The following NFKBIE variants were observed in gnomAD, a reference collection of about 807,000 sequenced individuals.
NFKBIE encodes the protein NFKB inhibitor epsilon, also known as NF-kappa-B inhibitor epsilon.
NFKBIE carries 11 observed loss-of-function variants against 31.6 expected under a neutral mutation model. That is an observed-to-expected ratio of 0.35 (90% CI 0.22 to 0.58). The LOEUF is 0.58. NFKBIE is among the 20% of genes least tolerant of loss of function. The pLI, the probability that NFKBIE is intolerant of heterozygous loss-of-function variation, is 0.83. For synonymous variants in NFKBIE, 208 were observed against 210.1 expected (o/e 0.99, Z 0.09); for missense variants, 354 against 465.7 (o/e 0.76, Z 2.21).
At chr6:44,262,703 C>G in intron 1 of NFKBIE, 41 bp from the exon 2 acceptor site, 1 of 1,532,330 alleles carries the variant, frequency 6.5e-7, no homozygotes, top group Non-Finnish European at 9.0e-7. Flanking sequence ...AGGGCCCAGG[C>G]CAGAGGGAGT....
chr6:44,264,913 C>A lies in NFKBIE; in HGVS notation c.365+69G>T, dbSNP rs1434666331. The stretch of plus-strand genomic sequence containing the variant: ...GGATCTTCACGGGGGAGTGGGGGTG[C>A]CCGACCTGTTGCGGCTCTTGGGCAG... On this transcript the variant is annotated intron_variant, in intron 1 of 5. Transcript: ENST00000619360. The A allele has an allele frequency of 2.0e-6, 3 of 1,504,782 alleles. No individual in the cohort carries two copies. In the East Asian group the frequency reaches 7.4e-5, roughly 37 times the overall value. The allele number at this position is 1,504,782 out of a possible 1,614,324, so 93.2% of individuals were successfully genotyped here.
Position 44,263,147 on chromosome 6 carries a change from T to A in NFKBIE, c.366-485A>T, listed in dbSNP as rs976568020. On this transcript the variant is annotated intron_variant, in intron 1 of 5. Transcript: ENST00000619360. The surrounding 1 kb of genome is among the most constrained non-coding windows in gnomAD (Gnocchi z 5.0). ...CATTCCAAGGGAGAGACACAGAAACTCTTGGAAGAGGAGCAAGGAGACAGT... is the reference window on the plus strand; with the variant it reads ...CATTCCAAGGGAGAGACACAGAAACACTTGGAAGAGGAGCAAGGAGACAGT... 1.3e-5 allele frequency among the ~76,000 whole-genome samples: 2 copies of A among 152,148 alleles called. No homozygotes were observed. The highest frequency in any genetic ancestry group is 6.5e-5 in the Admixed American group (1 of 15,282).
At position 44,260,024 on chromosome 6, in the gene NFKBIE, C is replaced by A. The variant is rs1781838843; in HGVS notation, c.1020+19G>T. ...TATGGGTGTGCAAGGCCCTGGAGAG[C>A]AAAGCATATGCCACTTACTTCCTCA... On this transcript the variant is annotated intron_variant, in intron 5 of 5. Coordinates refer to ENST00000619360, the MANE Select transcript of NFKBIE (RefSeq NM_004556.3). The surrounding 1 kb of genome is among the most constrained non-coding windows in gnomAD (Gnocchi z 5.5). The A allele has an allele frequency of 1.2e-6, 2 of 1,609,578 alleles. No individual in the cohort carries two copies. The highest frequency in any genetic ancestry group is 2.2e-5 in the South Asian group (2 of 90,876).
chr6:44,265,419 G>A lies in NFKBIE; in HGVS notation c.-73C>T. ...CCAGGCTCCGCCGCGCCGCCTTTCCGGGTTGCGGGTCCGCTTGGCAGAGCG... is the reference window on the plus strand; with the variant it reads ...CCAGGCTCCGCCGCGCCGCCTTTCCAGGTTGCGGGTCCGCTTGGCAGAGCG... On this transcript the variant is annotated 5_prime_UTR_variant, in exon 1 of 6. Coordinates refer to ENST00000619360, the MANE Select transcript of NFKBIE (RefSeq NM_004556.3). The A allele has an allele frequency of 1.9e-6, 3 of 1,542,414 alleles. No homozygotes were observed. The highest frequency in any genetic ancestry group is 1.2e-5 in the South Asian group (1 of 84,046).
chr6:44,260,546 T>C lies in NFKBIE; in HGVS notation c.692-7A>G. 6.2e-7 allele frequency: 1 copy of C among 1,613,972 alleles called. No individual in the cohort carries two copies. Among genetic ancestry groups the C allele is most frequent in the Non-Finnish European group, 8.5e-7 (1 of 1,179,930 alleles). On this transcript the variant is annotated splice_polypyrimidine_tract_variant and splice_region_variant and intron_variant, in intron 3 of 5. Transcript: ENST00000619360. This position sits in a 1 kb window ranked among gnomAD's most constrained non-coding sequence, Gnocchi z 5.5. Reference sequence around the variant, plus strand: ...ATGTGGAGACAAGCCAGACCTGGGATGGGGTGAGAGTGAGGGTGAGGGCTG... The same window carrying C: ...ATGTGGAGACAAGCCAGACCTGGGACGGGGTGAGAGTGAGGGTGAGGGCTG...
Position 44,265,135 on chromosome 6 carries a change from G to C in NFKBIE, c.212C>G (p.Ser71Cys). Residue 71 changes from serine to cysteine, a missense_variant, in exon 1 of 6, where the codon TCC becomes TGC. Transcript: ENST00000619360. ...KEDADGERAD[S>C]TYGSSSLTYT... ...GGTGAGCGAGGAGGAGCCATAGGTG[G>C]AATCAGCCCGCTCCCCATCCGCGTC... 6.4e-7 allele frequency: 1 copy of C among 1,552,444 alleles called. No homozygotes were observed. The highest frequency in any genetic ancestry group is 8.7e-7 in the Non-Finnish European group (1 of 1,147,292).
intron 1 of NFKBIE, among the ~76,000 whole-genome samples, chr6:44,264,472 C>T (rs1186207094): frequency 6.6e-6 from 1 of 152,164 alleles, no homozygotes; most frequent in African/African-American, 2.4e-5. Flanking sequence ...TCTGCTGGGG[C>T]AAGAGTGCCC....
Position 44,258,951 on chromosome 6 carries a change from C to T in NFKBIE, c.*268G>A, listed in dbSNP as rs1449891598. 1.5e-5 allele frequency: 5 copies of T among 326,402 alleles called. No homozygotes were observed. Among genetic ancestry groups the T allele is most frequent in the Non-Finnish European group, 2.4e-5 (4 of 167,746 alleles). 20.2% of individuals were successfully genotyped at this position (326,402 alleles called of 1,614,324 possible). A position where few individuals can be genotyped will look rare whatever the true frequency, so the allele number is the denominator to read the frequency against. On this transcript the variant is annotated 3_prime_UTR_variant, in exon 6 of 6. Transcript: ENST00000619360. The stretch of plus-strand genomic sequence containing the variant: ...GAGCACCTGCCATTTTCAAGAGAGG[C>T]AAACAGGCTTCACCCAGGATACCTG...
Position 44,260,444 on chromosome 6 carries a change from G to C in NFKBIE, c.780+7C>G, listed in dbSNP as rs754853150. On this transcript the variant is annotated splice_region_variant and intron_variant, in intron 4 of 5. Transcript: ENST00000619360. The surrounding 1 kb of genome is among the most constrained non-coding windows in gnomAD (Gnocchi z 5.5). ...TGGGCCGGGCAGTGCTTTGCTGGCT[G>C]TCTCACCTGCACATCAATGTCAGCT... 2.9e-5 allele frequency: 47 copies of C among 1,614,060 alleles called. No homozygotes were observed. Among genetic ancestry groups the C allele is most frequent in the Non-Finnish European group, 3.6e-5 (42 of 1,180,010 alleles).
chr6:44,260,868 C>G lies in NFKBIE; in HGVS notation c.692-329G>C, dbSNP rs1323979744. On this transcript the variant is annotated intron_variant, in intron 3 of 5. Transcript: ENST00000619360. The surrounding 1 kb of genome is among the most constrained non-coding windows in gnomAD (Gnocchi z 5.5). ...ACACACACACACATACAGACACACA[C>G]ACACACACACACACACACACACAAC... 1.8e-3 allele frequency among the ~76,000 whole-genome samples: 257 copies of G among 142,316 alleles called. 1 individual carries two copies. The highest frequency in any genetic ancestry group is 5.4e-3 in the African/African-American group (213 of 39,184). 93.4% of individuals were successfully genotyped at this position (142,316 alleles called of 152,430 possible). A position where few individuals can be genotyped will look rare whatever the true frequency, so the allele number is the denominator to read the frequency against.
chr6:44,263,974 A>G lies in NFKBIE; in HGVS notation c.365+1008T>C, dbSNP rs940215732. Among the ~76,000 whole-genome samples the G allele has an allele frequency of 6.6e-6, 1 of 152,148 alleles. No homozygotes were observed. The highest frequency in any genetic ancestry group is 1.9e-4 in the East Asian group (1 of 5,192). On this transcript the variant is annotated intron_variant, in intron 1 of 5. Transcript: ENST00000619360. The surrounding 1 kb of genome is among the most constrained non-coding windows in gnomAD (Gnocchi z 5.0). ...GCCTGAGGGCTGGTGATCCAGGCAGAGTACAGAAAGGACTGGGTCACTCCT... is the reference window on the plus strand; with the variant it reads ...GCCTGAGGGCTGGTGATCCAGGCAGGGTACAGAAAGGACTGGGTCACTCCT...
chr6:44,265,544 C>T lies in NFKBIE; in HGVS notation c.-198G>A, dbSNP rs994226683. On this transcript the variant is annotated 5_prime_UTR_variant, in exon 1 of 6. Coordinates refer to ENST00000619360, the MANE Select transcript of NFKBIE (RefSeq NM_004556.3). ...CGGAGCGCTGGCCAGGTCCACCCAG[C>T]GGTTACTGTGGGCAGCCGAACCGCC... 1.3e-6 allele frequency: 2 copies of T among 1,574,480 alleles called. No homozygotes were observed. The highest frequency in any genetic ancestry group is 1.7e-6 in the Non-Finnish European group (2 of 1,162,098).
Position 44,261,675 on chromosome 6 carries a change from T to A in NFKBIE, c.642A>T (p.Pro214=). 6.2e-7 allele frequency: 1 copy of A among 1,614,222 alleles called. No individual in the cohort carries two copies. Among genetic ancestry groups the A allele is most frequent in the Non-Finnish European group, 8.5e-7 (1 of 1,180,034 alleles). Residue 214 remains proline (P), a synonymous_variant, in exon 3 of 6, where the codon CCA becomes CCT. Coordinates refer to ENST00000619360, the MANE Select transcript of NFKBIE (RefSeq NM_004556.3). The surrounding 1 kb of genome is among the most constrained non-coding windows in gnomAD (Gnocchi z 4.3). ...CCAGAGAGTGAGATGTTCCTCTGCC[T>A]GGCTCTGGCCGCCCTTCCAGCAGGC... ...ARCLLEGRPE[P]GRGTSHSLDL...
At chr6:44,264,531 C>A (rs552494034) in intron 1 of NFKBIE, among the ~76,000 whole-genome samples, 123 of 152,344 alleles carry the variant, frequency 8.1e-4, no homozygotes, top group African/African-American at 2.6e-3. Flanking sequence ...AACCTACACC[C>A]TGGTGGCACC....
At chr6:44,259,903 T>C in intron 5 of NFKBIE, 140 bp downstream of exon 5, 1 of 1,302,620 alleles carries the variant, frequency 7.7e-7, no homozygotes, top group Non-Finnish European at 1.0e-6. Flanking sequence ...GGAAACAGGC[T>C]CAAGTTCCCA....
chr6:44,265,461 C>A lies in NFKBIE; in HGVS notation c.-115G>T. ...GGCAGAGCGGGCGCCCGGCCCGCGG[C>A]GGCCTCCTTCCCGGGCTGTGGGGCT... On this transcript the variant is annotated 5_prime_UTR_variant, in exon 1 of 6. Transcript: ENST00000619360. 3 of 1,507,330 alleles carry A rather than the reference C, an allele frequency of 2.0e-6. No homozygotes were observed. The highest frequency in any genetic ancestry group is 2.6e-6 in the Non-Finnish European group (3 of 1,134,970). The allele number at this position is 1,507,330 out of a possible 1,614,324, so 93.4% of individuals were successfully genotyped here. A position where few individuals can be genotyped will look rare whatever the true frequency, so the allele number is the denominator to read the frequency against.
chr6:44,264,391 C>T (rs867275160), intron 1 of NFKBIE, among the ~76,000 whole-genome samples: 1 of 152,334 alleles, frequency 6.6e-6, no homozygotes, highest in Middle Eastern at 3.4e-3. Flanking sequence ...GTCAGGGACG[C>T]TGACTCTAGC....
At chr6:44,262,043 C>A (rs1294421297) in intron 2 of NFKBIE, among the ~76,000 whole-genome samples, 195 bp from the exon 3 acceptor site, 5 of 152,188 alleles carry the variant, frequency 3.3e-5, no homozygotes. Context: ...TCTTGGGATC[C>A]CAATTCTGGA....
Position 44,265,411 on chromosome 6 carries a change from G to A in NFKBIE, c.-65C>T. 6.5e-7 allele frequency: 1 copy of A among 1,544,102 alleles called. No homozygotes were observed. Among genetic ancestry groups the A allele is most frequent in the Non-Finnish European group, 8.7e-7 (1 of 1,152,186 alleles). ...ATCCGGCTCCAGGCTCCGCCGCGCC[G>A]CCTTTCCGGGTTGCGGGTCCGCTTG... On this transcript the variant is annotated 5_prime_UTR_variant, in exon 1 of 6. Transcript: ENST00000619360.
Sources: gnomAD v4.1 joint callset for allele counts (sites outside exome capture counted in the v4.1 genomes callset) on GRCh38, gnomAD v4.1.1 for gene constraint, Gnocchi (gnomAD v3.1) non-coding constraint, MANE v1.5 for transcripts, NCBI Gene and HGNC (gene_info 2026-07-23, HGNC 2026-07-21) for gene names.